NT5C2: variants seen among roughly 807,000 people sequenced by gnomAD.
The protein encoded by NT5C2 is 5'-nucleotidase, cytosolic II.
NT5C2 carries 58 observed loss-of-function variants against 76.1 expected under a neutral mutation model. That is an observed-to-expected ratio of 0.76 (90% CI 0.62 to 0.95). NT5C2 has a LOEUF of 0.95. NT5C2 is among the 40% of genes least tolerant of loss of function. NT5C2 has a pLI of 0.00. For synonymous variants in NT5C2, 229 were observed against 237.4 expected, an observed-to-expected ratio of 0.96 and a Z score of 0.32; for missense variants, 478 against 690.3, an observed-to-expected ratio of 0.69 and a Z score of 3.45.
intron 6 of NT5C2, 198 bp downstream of exon 6, chr10:103,105,508 A>T (rs1391637703): frequency 7.5e-6 from 4 of 533,816 alleles, no homozygotes; most frequent in Non-Finnish European, 1.3e-5. Flanking sequence ...CTTAATTTAA[A>T]CAAAATGTAA....
intron 2 of NT5C2, among the ~76,000 whole-genome samples, chr10:103,176,658 A>C (rs2090012916): frequency 6.6e-6 from 1 of 152,102 alleles, no homozygotes; most frequent in South Asian, 2.1e-4. Context: ...CAGCTTCCCT[A>C]GTAGCTGGGA....
chr10:103,104,650 T>G (rs376828770), intron 6 of NT5C2, among the ~76,000 whole-genome samples: 3 of 152,198 alleles, frequency 2.0e-5, no homozygotes, highest in African/African-American at 7.2e-5. Flanking sequence ...ACCGTTCTCA[T>G]GTATACATGG....
intron 4 of NT5C2, among the ~76,000 whole-genome samples, chr10:103,128,061 C>CCCTCTT (rs2077020118): frequency 7.6e-6 from 1 of 131,636 alleles, no homozygotes; most frequent in South Asian, 2.2e-4. Context: ...CTCTCCCTCT[C>CCCTCTT]CCTCTCCCTC....
intron 14 of NT5C2, chr10:103,093,592 C>A: frequency 2.7e-6 from 1 of 364,838 alleles, no homozygotes; most frequent in East Asian, 4.4e-5. Flanking sequence ...AATTTCATCA[C>A]AAATCTGCCA....
chr10:103,182,609 T>G (rs987333986), intron 1 of NT5C2, among the ~76,000 whole-genome samples: 3 of 151,696 alleles, frequency 2.0e-5, no homozygotes, highest in African/African-American at 7.3e-5. Context: ...TACTCTAGCC[T>G]GGGTGACAGA....
chr10:103,142,102 G>C (rs2080535533), intron 3 of NT5C2, among the ~76,000 whole-genome samples: 1 of 151,930 alleles, frequency 6.6e-6, no homozygotes, highest in Admixed American at 6.6e-5. Context: ...GCTTTCTTTG[G>C]TTTTGCTTCT....
chr10:103,165,786 C>G (rs146240286), intron 3 of NT5C2, among the ~76,000 whole-genome samples: 3,480 of 152,170 alleles, frequency 0.023, 82 homozygotes, highest in South Asian at 0.12. Context: ...ATTCTCCTGC[C>G]TCAGCCTCCC....
intron 1 of NT5C2, among the ~76,000 whole-genome samples, chr10:103,185,665 GAAAA>G (rs75386040): frequency 1.7e-5 from 2 of 116,416 alleles, no homozygotes; most frequent in Non-Finnish European, 3.7e-5. Flanking sequence ...AAAAAAAAAG[GAAAA>G]AAAAAAAAAA....
intron 2 of NT5C2, chr10:103,175,737 C>T (rs928825807): frequency 3.0e-5 from 8 of 270,124 alleles, no homozygotes; most frequent in South Asian, 2.2e-4. Context: ...GGGCCACTGG[C>T]GATGCCATTG....
At chr10:103,157,085 A>AT (rs1217147212) in intron 3 of NT5C2, among the ~76,000 whole-genome samples, 4 of 149,180 alleles carry the variant, frequency 2.7e-5, no homozygotes, top group Non-Finnish European at 3.0e-5. Context: ...TAATAATGCT[A>AT]TAACATAGGA....
chr10:103,116,129 TA>T (rs543105312), intron 4 of NT5C2, among the ~76,000 whole-genome samples: 1 of 152,110 alleles, frequency 6.6e-6, no homozygotes, highest in Non-Finnish European at 1.5e-5. Context: ...AATGCCTTTT[TA>T]AAAAAACCAT....
chr10:103,160,137 T>G (rs1482773488), intron 3 of NT5C2, among the ~76,000 whole-genome samples: 2 of 152,186 alleles, frequency 1.3e-5, no homozygotes, highest in Non-Finnish European at 2.9e-5. Context: ...GACCATTCAA[T>G]GTGAAAAGAA....
At position 103,173,482 on chromosome 10, in the gene NT5C2, T is replaced by G. The variant is rs537739431; in HGVS notation, c.101+1376A>C. On this transcript the variant is annotated intron_variant, in intron 3 of 18. Coordinates refer to ENST00000404739, the MANE Select transcript of NT5C2 (RefSeq NM_001351169.2). Reference sequence around the variant, plus strand: ...AATACAAAAAATTAGCTGGGCATGGTGGCGGGCACCTGTAGTCCCAGCTAC... The same window carrying G: ...AATACAAAAAATTAGCTGGGCATGGGGGCGGGCACCTGTAGTCCCAGCTAC... 1.8e-4 allele frequency among the ~76,000 whole-genome samples: 28 copies of G among 151,356 alleles called. 1 individual carries two copies. In the South Asian group the frequency reaches 5.0e-3, roughly 27 times the overall value.
At chr10:103,173,639 A>C (rs945228298) in intron 3 of NT5C2, among the ~76,000 whole-genome samples, 2 of 148,898 alleles carry the variant, frequency 1.3e-5, no homozygotes, top group Non-Finnish European at 3.0e-5. Flanking sequence ...AAAGAATTTC[A>C]TTCTTGGCCG....
chr10:103,115,842 A>C (rs2074215720), intron 4 of NT5C2, among the ~76,000 whole-genome samples: 1 of 152,076 alleles, frequency 6.6e-6, no homozygotes, highest in Non-Finnish European at 1.5e-5. Flanking sequence ...TGTAATATAT[A>C]TATCTAAAAA....
At chr10:103,157,901 C>A (rs777382921) in intron 3 of NT5C2, among the ~76,000 whole-genome samples, 6 of 151,872 alleles carry the variant, frequency 4.0e-5, no homozygotes, top group Non-Finnish European at 7.4e-5. Context: ...TGGGAAACCC[C>A]GTCTCTACTA....
intron 3 of NT5C2, among the ~76,000 whole-genome samples, chr10:103,149,364 T>C (rs1178466459): frequency 6.6e-6 from 1 of 152,178 alleles, no homozygotes; most frequent in Non-Finnish European, 1.5e-5. Context: ...ATCAAAAATA[T>C]TTAAGGAAAA....
intron 3 of NT5C2, among the ~76,000 whole-genome samples, chr10:103,146,763 A>G (rs1466120566): frequency 7.2e-5 from 11 of 152,152 alleles, no homozygotes; most frequent in Admixed American, 7.2e-4. Context: ...CTGGAATCCA[A>G]TCTTCCATTC....
chr10:103,100,289 G>T (rs1177108866), intron 8 of NT5C2, among the ~76,000 whole-genome samples: 7 of 152,184 alleles, frequency 4.6e-5, no homozygotes, highest in Admixed American at 4.6e-4. Flanking sequence ...AAAATGTCAG[G>T]TTTTTTTATT....
Sources: allele counts gnomAD v4.1 joint callset (sites outside exome capture counted in the v4.1 genomes callset), GRCh38; gene constraint gnomAD v4.1.1; transcripts MANE v1.5; gene names NCBI Gene and HGNC (gene_info 2026-07-23, HGNC 2026-07-21).